The following AKAP10 variants were observed in gnomAD, a reference collection of about 807,000 sequenced individuals.
The protein encoded by AKAP10 is A-kinase anchoring protein 10.
A neutral mutation model predicts 80.8 loss-of-function variants in AKAP10; 24 were observed. The ratio of observed to expected loss-of-function variants is 0.30; its 90% CI spans 0.22 to 0.42. The LOEUF is 0.42. Ranked by LOEUF, AKAP10 falls within the 10% of genes least tolerant of loss-of-function variation. The pLI, the probability that AKAP10 is intolerant of heterozygous loss-of-function variation, is 1.00. For synonymous variants in AKAP10, 291 were observed against 277.7 expected (o/e 1.05, Z -0.48); for missense variants, 661 against 794.9 (o/e 0.83, Z 2.03).
At chr17:19,971,845 T>A (rs1479362995) in intron 1 of AKAP10, among the ~76,000 whole-genome samples, 1 of 152,134 alleles carries the variant, frequency 6.6e-6, no homozygotes, top group Non-Finnish European at 1.5e-5. Flanking sequence ...GCCAGGAGCA[T>A]TGGCTCACGC....
chr17:19,971,054 T>C (rs545087925), intron 1 of AKAP10, among the ~76,000 whole-genome samples: 6 of 151,654 alleles, frequency 4.0e-5, no homozygotes, highest in Non-Finnish European at 7.4e-5. Flanking sequence ...TCTTGCTATC[T>C]CGCCCAGGCT....
chr17:19,913,703 G>T (rs2042715806), intron 12 of AKAP10, among the ~76,000 whole-genome samples: 1 of 152,166 alleles, frequency 6.6e-6, no homozygotes, highest in Non-Finnish European at 1.5e-5. Context: ...GAAGAGAATG[G>T]CCTCTGTGAG....
In AKAP10 at chr17:19,959,105, G is replaced by A. The variant is rs140890372; in HGVS notation, c.320-534C>T. On this transcript the variant is annotated intron_variant, in intron 3 of 14. Transcript: ENST00000225737. ...TGACCTTCGGCAATCCACCCACCTC[G>A]GCCTCCCAAAGTGCTGGGATTGCAG... 4.7e-3 allele frequency among the ~76,000 whole-genome samples: 709 copies of A among 151,820 alleles called. 11 individuals carry two copies. Among genetic ancestry groups the A allele is most frequent in the African/African-American group, 0.016 (664 of 41,428 alleles).
At chr17:19,968,367 A>G in intron 2 of AKAP10, 47 bp downstream of exon 2, 2 of 1,497,912 alleles carry the variant, frequency 1.3e-6, no homozygotes. Context: ...CACAAATGCA[A>G]AGCACATCAC....
In AKAP10 at chr17:19,974,220, T is replaced by C. The variant is rs147925535; in HGVS notation, c.88+3372A>G. 2.8e-4 allele frequency among the ~76,000 whole-genome samples: 42 copies of C among 152,150 alleles called. No individual in the cohort carries two copies. The East Asian group carries it at 7.9e-3, about 29-fold the overall frequency. ...AAAAAGAAAAGAAAAAAAGCCAAAA[T>C]ACTACTTCTTGAGAAAAACTGATGA... On this transcript the variant is annotated intron_variant, in intron 1 of 14. Coordinates refer to ENST00000225737, the MANE Select transcript of AKAP10 (RefSeq NM_007202.4).
intron 4 of AKAP10, 36 bp downstream of exon 4, chr17:19,957,978 G>T (rs2043299697): frequency 6.5e-7 from 1 of 1,527,830 alleles, no homozygotes; most frequent in South Asian, 1.3e-5. Context: ...AAGAAAGTGA[G>T]ACACATATGT....
At chr17:19,914,628 C>CAAAAAA (rs36071856) in intron 12 of AKAP10, among the ~76,000 whole-genome samples, 9 of 58,474 alleles carry the variant, frequency 1.5e-4, no homozygotes, top group African/African-American at 4.9e-4. Context: ...GACCCTATCT[C>CAAAAAA]AAAAAAAAAA....
chr17:19,942,046 T>C, intron 5 of AKAP10, 136 bp from the exon 6 acceptor site: 1 of 507,050 alleles, frequency 2.0e-6, no homozygotes, highest in African/African-American at 2.0e-5. Flanking sequence ...AAAATACAGG[T>C]AACACTTGAT....
chr17:19,953,529 C>T (rs910067200), intron 4 of AKAP10, among the ~76,000 whole-genome samples: 1 of 151,938 alleles, frequency 6.6e-6, no homozygotes, highest in African/African-American at 2.4e-5. Context: ...GACACAATTG[C>T]CAACACCAGG....
intron 3 of AKAP10, among the ~76,000 whole-genome samples, chr17:19,959,459 C>T (rs533273291): frequency 3.7e-4 from 56 of 152,220 alleles, no homozygotes; most frequent in African/African-American, 1.3e-3. Context: ...CCAGTAATTC[C>T]ACTTGTAGGC....
intron 1 of AKAP10, 91 bp from the exon 2 acceptor site, chr17:19,968,552 T>C (rs920269863): frequency 1.1e-5 from 12 of 1,084,282 alleles, no homozygotes; most frequent in African/African-American, 9.4e-5. Flanking sequence ...TATTCTAAGA[T>C]GAGTATTCAA....
intron 14 of AKAP10, among the ~76,000 whole-genome samples, chr17:19,908,164 C>T (rs2042651318): frequency 6.6e-6 from 1 of 152,130 alleles, no homozygotes; most frequent in Non-Finnish European, 1.5e-5. Flanking sequence ...TGCGCCCAGC[C>T]TGGACGTCAG....
chr17:19,916,805 C>T (rs1427263977), intron 12 of AKAP10, among the ~76,000 whole-genome samples: 1 of 150,896 alleles, frequency 6.6e-6, no homozygotes, highest in African/African-American at 2.4e-5. Context: ...GGCGTGGTGG[C>T]GAGCGCCTGT....
At chr17:19,907,222 T>C (rs1162961191) in intron 14 of AKAP10, among the ~76,000 whole-genome samples, 2 of 151,984 alleles carry the variant, frequency 1.3e-5, no homozygotes, top group African/African-American at 4.8e-5. Flanking sequence ...TTCTCCATGT[T>C]GGTCAGGCTG....
chr17:19,958,842 C>CTTTTTTTTTTTTTTTTTTTTTT (rs772496178), intron 3 of AKAP10, among the ~76,000 whole-genome samples: 1 of 92,936 alleles, frequency 1.1e-5, no homozygotes. Flanking sequence ...CATGTAAATT[C>CTTTTTTTTTTTTTTTTTTTTTT]TTTTTTTTTT....
At chr17:19,936,186 A>G (rs901328087) in intron 9 of AKAP10, 100 bp downstream of exon 9, 28 of 1,365,588 alleles carry the variant, frequency 2.1e-5, no homozygotes, top group East Asian at 7.4e-5. Context: ...GACTGCTTCA[A>G]TTTCCACTGT....
intron 13 of AKAP10, among the ~76,000 whole-genome samples, chr17:19,909,679 A>C (rs1415485072): frequency 2.6e-5 from 4 of 152,188 alleles, no homozygotes; most frequent in Non-Finnish European, 5.9e-5. Context: ...TGGCTGATGG[A>C]AACTTGAATG....
chr17:19,919,063 C>T (rs1485250760), intron 12 of AKAP10, among the ~76,000 whole-genome samples: 2 of 151,042 alleles, frequency 1.3e-5, no homozygotes, highest in Non-Finnish European at 2.9e-5. Flanking sequence ...TCTCCTAATG[C>T]TATTCCTCCC....
intron 5 of AKAP10, among the ~76,000 whole-genome samples, chr17:19,946,816 C>CA (rs953488521): frequency 1.3e-5 from 2 of 151,776 alleles, no homozygotes; most frequent in Admixed American, 6.6e-5. Context: ...AATCAACTGG[C>CA]AAAAAAAGGC....
Sources: allele counts gnomAD v4.1 joint callset (sites outside exome capture counted in the v4.1 genomes callset), GRCh38; gene constraint gnomAD v4.1.1; transcripts MANE v1.5; gene names NCBI Gene and HGNC (gene_info 2026-07-23, HGNC 2026-07-21).